Variants in TGFB2 observed in about 807,000 individuals in gnomAD.
TGFB2 encodes the protein transforming growth factor beta-2 proprotein.
Under a neutral mutation model 42.7 loss-of-function variants are expected in TGFB2, and 13 were observed. The ratio of observed to expected loss-of-function variants is 0.30; its 90% confidence interval spans 0.20 to 0.48. The LOEUF is 0.48. Ranked by LOEUF, TGFB2 falls within the 20% of genes least tolerant of loss-of-function variation. TGFB2 has a pLI of 0.99. For missense variants in TGFB2, 390 were observed against 517.5 expected, an observed-to-expected ratio of 0.75 and a Z score of 2.39; for synonymous variants, 193 against 193.6, an observed-to-expected ratio of 1.00 and a Z score of 0.03.
At position 218,412,971 on chromosome 1, in the gene TGFB2, T is replaced by C. The variant is rs140837504; in HGVS notation, c.510+7639T>C. On this transcript the variant is annotated intron_variant, in intron 2 of 6. Transcript: ENST00000366930. Reference sequence around the variant, plus strand: ...ATATTGCCTTTTCCCATGGGGCTGATAGTCTCAGGTGTCTCCATGTGGTCT... The same window carrying C: ...ATATTGCCTTTTCCCATGGGGCTGACAGTCTCAGGTGTCTCCATGTGGTCT... Among the ~76,000 whole-genome samples, 1,440 of 152,320 alleles carry C rather than the reference T, an allele frequency of 9.5e-3. 31 individuals carry two copies. The highest frequency in any genetic ancestry group is 0.031 in the African/African-American group (1,292 of 41,584).
chr1:218,352,326 T>C (rs578074088), intron 1 of TGFB2, among the ~76,000 whole-genome samples: 4 of 152,162 alleles, frequency 2.6e-5, no homozygotes, highest in Non-Finnish European at 5.9e-5. Flanking sequence ...CAAGGGTGGA[T>C]TCCATTTTGC....
At chr1:218,441,124 T>C in intron 6 of TGFB2, 80 bp from the exon 7 acceptor site, 1 of 1,374,772 alleles carries the variant, frequency 7.3e-7, no homozygotes. Context: ...CTGCTAACAA[T>C]GTGGAATTCT....
At chr1:218,426,970 T>C (rs1659643759) in intron 2 of TGFB2, among the ~76,000 whole-genome samples, 1 of 152,162 alleles carries the variant, frequency 6.6e-6, no homozygotes, top group Admixed American at 6.5e-5. Context: ...CAATTTCTAT[T>C]TTTATTTTTC....
chr1:218,354,957 C>T (rs1201103225), intron 1 of TGFB2, among the ~76,000 whole-genome samples: 1 of 152,182 alleles, frequency 6.6e-6, no homozygotes, highest in Non-Finnish European at 1.5e-5. Context: ...GGCTGGAGTG[C>T]AGTGGCACCA....
intron 2 of TGFB2, among the ~76,000 whole-genome samples, chr1:218,425,416 C>T (rs1278324479): frequency 6.6e-6 from 1 of 151,976 alleles, no homozygotes; most frequent in African/African-American, 2.4e-5. Flanking sequence ...ACCGTGTTAG[C>T]CAGGATGGTC....
intron 1 of TGFB2, among the ~76,000 whole-genome samples, chr1:218,388,566 GCT>G (rs1658213951): frequency 1.3e-5 from 2 of 152,104 alleles, no homozygotes; most frequent in Admixed American, 6.5e-5. Context: ...TCCTTTCCTT[GCT>G]TGTCCCTCTC....
Position 218,379,156 on chromosome 1 carries a change from G to A in TGFB2, c.347-26013G>A, listed in dbSNP as rs534784601. Among the ~76,000 whole-genome samples the A allele has an allele frequency of 6.2e-4, 86 of 139,588 alleles. No individual in the cohort carries two copies. The South Asian group carries it at 0.017, about 28-fold the overall frequency. The allele number at this position is 139,588 out of a possible 152,430, so 91.6% of individuals were successfully genotyped here. ...TTTTTTTTTTTTCTTTTTTAGAGAC[G>A]GAGTCTCACTCTGTCACCCAGGCTG... On this transcript the variant is annotated intron_variant, in intron 1 of 6. Coordinates refer to ENST00000366930, the MANE Select transcript of TGFB2 (RefSeq NM_003238.6).
chr1:218,409,788 C>T (rs908537493), intron 2 of TGFB2, among the ~76,000 whole-genome samples: 2 of 152,216 alleles, frequency 1.3e-5, no homozygotes, highest in Non-Finnish European at 2.9e-5. Flanking sequence ...CTACTTGACA[C>T]ACAATTGGCA....
intron 1 of TGFB2, among the ~76,000 whole-genome samples, chr1:218,403,444 G>A (rs1172079005): frequency 1.3e-5 from 2 of 152,158 alleles, no homozygotes; most frequent in Non-Finnish European, 2.9e-5. Context: ...TGTGTTCCTA[G>A]CATCTTTTTT....
intron 2 of TGFB2, among the ~76,000 whole-genome samples, chr1:218,419,840 TA>T (rs1331485029): frequency 1.3e-5 from 2 of 152,162 alleles, no homozygotes; most frequent in East Asian, 1.9e-4. Flanking sequence ...ACCATGTAGG[TA>T]AAAAAATAAA....
At chr1:218,380,292 G>C (rs1363118919) in intron 1 of TGFB2, among the ~76,000 whole-genome samples, 1 of 152,164 alleles carries the variant, frequency 6.6e-6, no homozygotes, top group Admixed American at 6.5e-5. Context: ...GTTTGGGGAC[G>C]GACATTCCAC....
intron 1 of TGFB2, among the ~76,000 whole-genome samples, chr1:218,370,814 C>T (rs917265581): frequency 6.6e-6 from 1 of 152,190 alleles, no homozygotes; most frequent in African/African-American, 2.4e-5. Flanking sequence ...GTTGTCTTTA[C>T]CCACATTCCA....
chr1:218,418,842 T>A (rs1344169517), intron 2 of TGFB2, among the ~76,000 whole-genome samples: 1 of 152,218 alleles, frequency 6.6e-6, no homozygotes, highest in Non-Finnish European at 1.5e-5. Context: ...TCTGCTGCCA[T>A]GCACTTAAGA....
At chr1:218,371,053 T>C (rs1657554209) in intron 1 of TGFB2, among the ~76,000 whole-genome samples, 2 of 152,126 alleles carry the variant, frequency 1.3e-5, no homozygotes, top group African/African-American at 2.4e-5. Flanking sequence ...TAATCCCAGC[T>C]CTTTGGAAGG....
At chr1:218,397,456 C>T (rs1346996607) in intron 1 of TGFB2, among the ~76,000 whole-genome samples, 13 of 149,948 alleles carry the variant, frequency 8.7e-5, no homozygotes, top group African/African-American at 2.5e-5. Flanking sequence ...CCCAGCTACT[C>T]GGGAGGCTGA....
intron 1 of TGFB2, among the ~76,000 whole-genome samples, chr1:218,380,193 T>A (rs1329067578): frequency 2.0e-5 from 3 of 152,202 alleles, no homozygotes; most frequent in African/African-American, 7.2e-5. Flanking sequence ...GAAGCTCAAG[T>A]CGGTGACCAA....
intron 1 of TGFB2, among the ~76,000 whole-genome samples, chr1:218,369,690 G>A (rs931340488): frequency 6.6e-6 from 1 of 152,106 alleles, no homozygotes; most frequent in Non-Finnish European, 1.5e-5. Flanking sequence ...TGATGGCCAG[G>A]GACATGTGGC....
intron 6 of TGFB2, among the ~76,000 whole-genome samples, chr1:218,439,145 C>G (rs1054665295): frequency 1.3e-5 from 2 of 149,494 alleles, no homozygotes; most frequent in Non-Finnish European, 3.0e-5. Context: ...GGGTCTAGAT[C>G]ATGTAGTCTA....
intron 2 of TGFB2, 149 bp downstream of exon 2, chr1:218,405,481 C>G (rs1311125648): frequency 7.2e-7 from 1 of 1,389,094 alleles, no homozygotes; most frequent in Admixed American, 1.9e-5. Context: ...CCGCTTGCCT[C>G]AGCCTCCCTA....
Sources: gnomAD v4.1 joint callset for allele counts (sites outside exome capture counted in the v4.1 genomes callset) on GRCh38, gnomAD v4.1.1 for gene constraint, MANE v1.5 for transcripts, NCBI Gene and HGNC (gene_info 2026-07-23, HGNC 2026-07-21) for gene names.